LINGO2: variants seen among roughly 807,000 people sequenced by gnomAD.
LINGO2 encodes leucine rich repeat and Ig domain containing 2.
In LINGO2, 14 loss-of-function variants were observed where a neutral mutation model predicts 30.6. The ratio of observed to expected loss-of-function variants is 0.46; its 90% CI spans 0.30 to 0.72. LINGO2 has a LOEUF of 0.72. Ranked by LOEUF, LINGO2 falls within the 30% of genes least tolerant of loss-of-function variation. LINGO2 has a pLI of 0.07. For synonymous variants in LINGO2, 317 were observed against 288.5 expected (o/e 1.10, Z -1.00); for missense variants, 729 against 751.7 (o/e 0.97, Z 0.35).
chr9:28,647,201 G>A (rs1038110631), intron 1 of LINGO2, among the ~76,000 whole-genome samples: 6 of 152,038 alleles, frequency 3.9e-5, no homozygotes, highest in African/African-American at 1.4e-4. Context: ...AGAGATATGG[G>A]AACGCTTGGT....
chr9:28,790,024 G>A, the LINGO2 span, among the ~76,000 whole-genome samples: 2 of 152,158 alleles, frequency 1.3e-5, no homozygotes, highest in African/African-American at 2.4e-5. Context: ...TAAGTTACCT[G>A]TGGTCAACTG....
At chr9:28,004,646 T>A (rs541245361) in intron 5 of LINGO2, among the ~76,000 whole-genome samples, 46 of 152,202 alleles carry the variant, frequency 3.0e-4, no homozygotes, top group African/African-American at 1.1e-3. Context: ...CCCCAGAGTT[T>A]GAAACATTCT....
chr9:28,516,118 T>A (rs895533173), intron 1 of LINGO2, among the ~76,000 whole-genome samples: 2 of 152,232 alleles, frequency 1.3e-5, no homozygotes, highest in African/African-American at 4.8e-5. Flanking sequence ...CATAATGTTA[T>A]TGCCCATTTA....
intron 4 of LINGO2, among the ~76,000 whole-genome samples, chr9:28,222,239 A>G (rs4316230): frequency 0.85 from 130,086 of 152,156 alleles, 55,869 homozygotes; most frequent in Non-Finnish European, 0.9. Context: ...GCAAATGTGA[A>G]GAGGCACTGA....
Position 28,147,907 on chromosome 9 carries a change from G to A in LINGO2, c.-86-135502C>T, listed in dbSNP as rs34571882. 0.12 allele frequency among the ~76,000 whole-genome samples: 17,650 copies of A among 152,124 alleles called. 1,247 individuals are homozygous for A. The highest frequency in any genetic ancestry group is 0.17 in the Non-Finnish European group (11,291 of 67,966). The stretch of plus-strand genomic sequence containing the variant: ...ACTCCCAGATGCCCAGTGTGCACCC[G>A]GCCACAGAGAAGTGGGTGACTTAGG... On this transcript the variant is annotated intron_variant, in intron 4 of 5. Coordinates refer to ENST00000379992, the Ensembl canonical transcript of LINGO2. This position sits in a 1 kb window ranked among gnomAD's most constrained non-coding sequence, Gnocchi z 4.7.
At chr9:29,128,971 TAAAAA>T in the LINGO2 span, among the ~76,000 whole-genome samples, 3 of 152,146 alleles carry the variant, frequency 2.0e-5, no homozygotes, top group Admixed American at 2.0e-4. Context: ...TTGGTAAAAT[TAAAAA>T]AGAAATGTCT....
At chr9:28,919,122 C>A in the LINGO2 span, among the ~76,000 whole-genome samples, 1 of 152,260 alleles carries the variant, frequency 6.6e-6, no homozygotes, top group African/African-American at 2.4e-5. Flanking sequence ...AGATATTTGT[C>A]TTCCTACAAC....
chr9:28,403,353 GGGTTGCA>G (rs1325577546), intron 2 of LINGO2, among the ~76,000 whole-genome samples: 12 of 152,094 alleles, frequency 7.9e-5, no homozygotes, highest in Admixed American at 2.6e-4. Flanking sequence ...AGGATGGCAG[GGGTTGCA>G]TTATTCTGTC....
intron 4 of LINGO2, among the ~76,000 whole-genome samples, chr9:28,164,027 T>C (rs995930069): frequency 1.3e-5 from 2 of 152,216 alleles, no homozygotes; most frequent in Non-Finnish European, 2.9e-5. Flanking sequence ...GTCAAAAATA[T>C]AAATTAATCA....
chr9:29,063,870 AT>A, the LINGO2 span, among the ~76,000 whole-genome samples: 2 of 152,314 alleles, frequency 1.3e-5, no homozygotes, highest in East Asian at 3.9e-4. Flanking sequence ...ACAAATCTTA[AT>A]AAAATGATAA....
the LINGO2 span, among the ~76,000 whole-genome samples, chr9:28,709,040 T>C: frequency 3.9e-5 from 6 of 152,224 alleles, 1 homozygote; most frequent in East Asian, 1.2e-3. Flanking sequence ...CTTTTAATCT[T>C]ATGTCCTCAA....
At chr9:28,557,390 G>A (rs1822775234) in intron 1 of LINGO2, among the ~76,000 whole-genome samples, 2 of 151,982 alleles carry the variant, frequency 1.3e-5, no homozygotes, top group Non-Finnish European at 2.9e-5. Flanking sequence ...ACAGACACAT[G>A]AAAAAATGCT....
intron 5 of LINGO2, among the ~76,000 whole-genome samples, chr9:27,990,019 T>A (rs1347214009): frequency 6.6e-6 from 1 of 152,054 alleles, no homozygotes; most frequent in African/African-American, 2.4e-5. Context: ...TCTGCACAGA[T>A]CATTCCCTAT....
At chr9:28,280,673 T>G (rs1351130371) in intron 4 of LINGO2, among the ~76,000 whole-genome samples, 1 of 152,156 alleles carries the variant, frequency 6.6e-6, no homozygotes, top group Non-Finnish European at 1.5e-5. Flanking sequence ...TGGTTGGTTA[T>G]GCATTTCAGA....
chr9:28,271,021 C>G (rs543822154), intron 4 of LINGO2, among the ~76,000 whole-genome samples: 1 of 152,108 alleles, frequency 6.6e-6, no homozygotes, highest in African/African-American at 2.4e-5. Flanking sequence ...ATAGGATCAT[C>G]AGAAGCATGA....
chr9:28,970,390 A>G, the LINGO2 span, among the ~76,000 whole-genome samples: 3,652 of 152,274 alleles, frequency 0.024, 126 homozygotes, highest in African/African-American at 0.082. Context: ...ATTAACAAGT[A>G]TTTACACAAG....
the LINGO2 span, among the ~76,000 whole-genome samples, chr9:28,770,602 C>T: frequency 1.3e-5 from 2 of 152,288 alleles, no homozygotes; most frequent in East Asian, 1.9e-4. Context: ...TATTGGCTTA[C>T]ATTACGTGCT....
chr9:28,445,031 A>C (rs79394840), intron 2 of LINGO2, among the ~76,000 whole-genome samples: 4,327 of 152,248 alleles, frequency 0.028, 206 homozygotes, highest in African/African-American at 0.097. Flanking sequence ...CCACCCAAGA[A>C]CACTACCTCA....
At chr9:28,630,117 C>T (rs998471162) in intron 1 of LINGO2, among the ~76,000 whole-genome samples, 12 of 151,970 alleles carry the variant, frequency 7.9e-5, no homozygotes, top group East Asian at 7.8e-4. Context: ...TGCTAGATGA[C>T]GAGTTAGTGG....
Sources: gnomAD v4.1 joint callset for allele counts (sites outside exome capture counted in the v4.1 genomes callset) on GRCh38, gnomAD v4.1.1 for gene constraint, Gnocchi (gnomAD v3.1) non-coding constraint, MANE v1.5 for transcripts, NCBI Gene and HGNC (gene_info 2026-07-23, HGNC 2026-07-21) for gene names.